Variants in KMT2C observed in about 807,000 individuals in gnomAD.
The protein encoded by KMT2C is histone-lysine N-methyltransferase 2C.
Under a neutral mutation model 507.9 loss-of-function variants are expected in KMT2C, and 88 were observed. The ratio of observed to expected loss-of-function variants is 0.17; its 90% CI spans 0.15 to 0.21. KMT2C has a LOEUF of 0.21. Ranked by LOEUF, KMT2C falls within the 10% of genes least tolerant of loss-of-function variation. The pLI is 1.00. For missense variants in KMT2C, 4,954 were observed against 5,957.8 expected (o/e 0.83, Z 5.55); for synonymous variants, 2,049 against 2,080.8 (o/e 0.98, Z 0.42).
intron 6 of KMT2C, among the ~76,000 whole-genome samples, chr7:152,282,363 TCA>T (rs1182983950): frequency 6.6e-6 from 1 of 151,556 alleles, no homozygotes; most frequent in Non-Finnish European, 1.5e-5. Flanking sequence ...TAAAATACTC[TCA>T]GTGTCAACCA....
At position 152,215,676 on chromosome 7, in the gene KMT2C, AAT is replaced by A. The variant is rs1200314833; in HGVS notation, c.3712+4845_3712+4846del. ...AATAGTAGTAAGACAAAAGGAACAA[AAT>A]ATATATATATACACACACACATACA... On this transcript the variant is annotated intron_variant, in intron 23 of 58. Transcript: ENST00000262189. Among the ~76,000 whole-genome samples the A allele has an allele frequency of 1.9e-4, 26 of 134,492 alleles. 1 individual carries two copies. The highest frequency in any genetic ancestry group is 7.3e-4 in the African/African-American group (21 of 28,958). 88.2% of individuals were successfully genotyped at this position (134,492 alleles called of 152,430 possible). A position where few individuals can be genotyped will look rare whatever the true frequency, so the allele number is the denominator to read the frequency against.
intron 5 of KMT2C, among the ~76,000 whole-genome samples, chr7:152,311,209 T>C (rs1468076157): frequency 6.6e-6 from 1 of 152,080 alleles, no homozygotes; most frequent in Admixed American, 6.6e-5. Context: ...GTATAGAAAA[T>C]AAACTACACA....
At chr7:152,295,093 T>TA (rs1471489732) in intron 6 of KMT2C, among the ~76,000 whole-genome samples, 6 of 152,190 alleles carry the variant, frequency 3.9e-5, no homozygotes, top group Admixed American at 3.9e-4. Context: ...TTCCTCCATC[T>TA]AATTTATAAA....
chr7:152,397,858 C>T (rs2097546505), intron 1 of KMT2C, among the ~76,000 whole-genome samples: 1 of 152,136 alleles, frequency 6.6e-6, no homozygotes, highest in Admixed American at 6.6e-5. Flanking sequence ...TGTGAGGCCT[C>T]CCCAAACACA....
intron 6 of KMT2C, among the ~76,000 whole-genome samples, chr7:152,287,839 C>T (rs574131414): frequency 8.6e-5 from 13 of 151,892 alleles, no homozygotes; most frequent in African/African-American, 3.1e-4. Context: ...GCCTGGCCAA[C>T]ATCATGAAAC....
At chr7:152,295,833 G>A (rs983961244) in intron 6 of KMT2C, among the ~76,000 whole-genome samples, 4 of 152,068 alleles carry the variant, frequency 2.6e-5, no homozygotes, top group Admixed American at 6.6e-5. Flanking sequence ...TTGGGAGGCC[G>A]AGGCGGGCAG....
chr7:152,259,489 C>G (rs73728800), intron 9 of KMT2C, among the ~76,000 whole-genome samples: 6,635 of 113,872 alleles, frequency 0.058, 515 homozygotes, highest in African/African-American at 0.18. Context: ...CACACACACA[C>G]AGAGAAAGCA....
intron 1 of KMT2C, among the ~76,000 whole-genome samples, chr7:152,361,614 T>C (rs1375025855): frequency 2.0e-5 from 3 of 151,858 alleles, no homozygotes; most frequent in Non-Finnish European, 4.4e-5. Context: ...TAGAAAACAT[T>C]AAAATAAAGT....
rs1587830741 is a variant in KMT2C at position 152,163,682 on chromosome 7, T to C, written c.9895A>G (p.Met3299Val). Reference protein sequence around the residue: ...PLIPGATPPTMSQPTFPMVPQ... With the variant: ...PLIPGATPPTVSQPTFPMVPQ... Reference sequence around the variant, plus strand: ...ACCATGGGAAAGGTGGGTTGGCTCATGGTGGGTGGAGTGGCACCTGGAATT... The same window carrying C: ...ACCATGGGAAAGGTGGGTTGGCTCACGGTGGGTGGAGTGGCACCTGGAATT... The change falls in exon 43 of 59, where the codon ATG becomes GTG. Residue 3299 changes from methionine to valine, a missense_variant. Physicochemically the swap from Met to Val is conservative, Grantham distance 21 (BLOSUM62 1). Transcript: ENST00000262189. 6.2e-7 allele frequency: 1 copy of C among 1,613,964 alleles called. No homozygotes were observed.
intron 2 of KMT2C, among the ~76,000 whole-genome samples, chr7:152,350,445 A>C (rs2097101460): frequency 6.6e-6 from 1 of 152,206 alleles, no homozygotes; most frequent in African/African-American, 2.4e-5. Flanking sequence ...TAGATGGTAT[A>C]GCCTACTAAA....
chr7:152,301,542 C>T (rs1024430232), intron 6 of KMT2C, among the ~76,000 whole-genome samples: 4 of 151,860 alleles, frequency 2.6e-5, no homozygotes, highest in South Asian at 2.1e-4. Flanking sequence ...GAAAAGTTAG[C>T]CAGGTGTGGT....
rs184996828 is a variant in KMT2C, at chr7:152,239,752, A to G, written c.2533-926T>C. ...GACAAATGTCAAACAATAAAAGAAT[A>G]TATTTTGAATTAGGTAATTCAATGG... On this transcript the variant is annotated intron_variant, in intron 14 of 58. Coordinates refer to ENST00000262189, the MANE Select transcript of KMT2C (RefSeq NM_170606.3). 7.9e-3 allele frequency among the ~76,000 whole-genome samples: 1,202 copies of G among 152,316 alleles called. 12 individuals are homozygous for G. The highest frequency in any genetic ancestry group is 0.028 in the African/African-American group (1,167 of 41,568).
Position 152,171,309 on chromosome 7 carries a change from T to C in KMT2C, c.9408A>G (p.Thr3136=). Residue 3136 remains threonine (T), a synonymous_variant, in exon 40 of 59, where the codon ACA becomes ACG. Transcript: ENST00000262189. The stretch of plus-strand genomic sequence containing the variant: ...CAAGGTTCTGTCCTTCACTGTTCTG[T>C]GTTCCAGTTACCACCTGGCCCATAA... The part of the protein sequence containing the change: ...FPFMGQVVTG[T]QNSEGQNLGP... 2 of 1,609,182 alleles carry C rather than the reference T, an allele frequency of 1.2e-6. No homozygotes were observed. The highest frequency in any genetic ancestry group is 1.7e-6 in the Non-Finnish European group (2 of 1,177,720).
rs1318698448 is a variant in KMT2C at position 152,180,807 on chromosome 7, A to G, written c.7053T>C (p.Gly2351=). The change falls in exon 36 of 59, where the codon GGT becomes GGC. Residue 2351 remains glycine (G), a synonymous_variant. Transcript: ENST00000262189. ...PMHSQGQQFS[G]VSQLPGPVPT... ...GCACAGGTCCAGGAAGTTGGGAGAC[A>G]CCAGAGAACTGCTGGCCTTGGGAGT... The G allele has an allele frequency of 6.2e-7, 1 of 1,614,074 alleles. No individual in the cohort carries two copies. Among genetic ancestry groups the G allele is most frequent in the African/African-American group, 1.3e-5 (1 of 74,930 alleles).
chr7:152,314,099 C>A (rs917174058), intron 4 of KMT2C, among the ~76,000 whole-genome samples: 4 of 152,130 alleles, frequency 2.6e-5, no homozygotes, highest in Non-Finnish European at 5.9e-5. Context: ...CATCACAACT[C>A]TCCAAATATA....
At chr7:152,225,884 T>C (rs2094914522) in intron 18 of KMT2C, among the ~76,000 whole-genome samples, 2 of 152,170 alleles carry the variant, frequency 1.3e-5, no homozygotes, top group South Asian at 4.1e-4. Context: ...TTTCTTGTTA[T>C]AAAAAACTCC....
chr7:152,263,197 T>A (rs531127925), intron 8 of KMT2C, 67 bp from the exon 9 acceptor site: 51 of 1,381,454 alleles, frequency 3.7e-5, no homozygotes, highest in Middle Eastern at 2.6e-4. Context: ...TAAGTAATCA[T>A]GAAAATAATC....
At chr7:152,191,206 T>TGGG (rs1238753737) in intron 31 of KMT2C, among the ~76,000 whole-genome samples, 1 of 152,206 alleles carries the variant, frequency 6.6e-6, no homozygotes, top group Non-Finnish European at 1.5e-5. Context: ...TCCATCTCCT[T>TGGG]GACTAACTGC....
intron 44 of KMT2C, among the ~76,000 whole-genome samples, chr7:152,157,174 C>T (rs1054812357): frequency 6.6e-6 from 1 of 151,354 alleles, no homozygotes; most frequent in Non-Finnish European, 1.5e-5. Context: ...CTCACTGCAG[C>T]CTTGACCTCA....
Sources: allele counts gnomAD v4.1 joint callset (sites outside exome capture counted in the v4.1 genomes callset), GRCh38; gene constraint gnomAD v4.1.1; transcripts MANE v1.5; gene names NCBI Gene and HGNC (gene_info 2026-07-23, HGNC 2026-07-21).